The following POFUT3 variants were observed in gnomAD, a reference collection of about 807,000 sequenced individuals.
POFUT3 encodes GDP-fucose protein O-fucosyltransferase 3.
the POFUT3 span, among the ~76,000 whole-genome samples, chr8:33,391,144 G>A: frequency 6.6e-6 from 1 of 152,106 alleles, no homozygotes; most frequent in Non-Finnish European, 1.5e-5. Context: ...TTCTGGCAGA[G>A]CTCATAAAAA....
chr8:33,417,380 A>T, the POFUT3 span, among the ~76,000 whole-genome samples: 40,695 of 152,022 alleles, frequency 0.27, 5,835 homozygotes, highest in South Asian at 0.44. Flanking sequence ...ATGCCCTTGA[A>T]TCATCCCGAA....
At chr8:33,364,260 T>G in the POFUT3 span, among the ~76,000 whole-genome samples, 1 of 152,182 alleles carries the variant, frequency 6.6e-6, no homozygotes, top group Non-Finnish European at 1.5e-5. Flanking sequence ...TAGGTATTGA[T>G]GGAATGTATC....
chr8:33,436,583 C>T, the POFUT3 span: 2 of 901,698 alleles, frequency 2.2e-6, no homozygotes, highest in East Asian at 2.5e-5. Context: ...TCTATGTGCA[C>T]AAAGCCATAA....
the POFUT3 span, among the ~76,000 whole-genome samples, chr8:33,433,511 C>T: frequency 6.6e-5 from 10 of 151,810 alleles, no homozygotes; most frequent in African/African-American, 2.4e-5. Flanking sequence ...ACTCAGGAGG[C>T]TGAGGCAGGA....
At chr8:33,435,294 T>C in the POFUT3 span, among the ~76,000 whole-genome samples, 1 of 151,704 alleles carries the variant, frequency 6.6e-6, no homozygotes, top group African/African-American at 2.4e-5. Flanking sequence ...CTCAGCTCAC[T>C]GCAACTGCCA....
chr8:33,349,469 G>T, the POFUT3 span, among the ~76,000 whole-genome samples: 1 of 152,182 alleles, frequency 6.6e-6, no homozygotes, highest in East Asian at 1.9e-4. Flanking sequence ...AAAGTCCATT[G>T]TATCATTCTT....
the POFUT3 span, among the ~76,000 whole-genome samples, chr8:33,419,873 A>G: frequency 5.9e-5 from 9 of 152,282 alleles, no homozygotes; most frequent in East Asian, 1.7e-3. Context: ...TCAGCCTGTA[A>G]TCCCAGCACT....
At chr8:33,408,786 G>C in the POFUT3 span, among the ~76,000 whole-genome samples, 12 of 152,176 alleles carry the variant, frequency 7.9e-5, no homozygotes, top group African/African-American at 2.9e-4. Context: ...GTGTTTTTTG[G>C]GGGTGGAGAG....
chr8:33,372,448 G>T, the POFUT3 span: 1 of 1,445,072 alleles, frequency 6.9e-7, no homozygotes, highest in South Asian at 1.5e-5. Flanking sequence ...CTCATTATGA[G>T]TACTGCAGCA....
At chr8:33,445,210 A>C in the POFUT3 span, among the ~76,000 whole-genome samples, 1 of 152,168 alleles carries the variant, frequency 6.6e-6, no homozygotes, top group Non-Finnish European at 1.5e-5. Context: ...CTGGGACTAC[A>C]GGTGTGAGCC....
the POFUT3 span, among the ~76,000 whole-genome samples, chr8:33,441,537 T>A: frequency 6.6e-6 from 1 of 151,820 alleles, no homozygotes; most frequent in Non-Finnish European, 1.5e-5. Context: ...TGCACCACCA[T>A]GCCCAGCTAA....
chr8:33,403,901 C>T, the POFUT3 span, among the ~76,000 whole-genome samples: 2 of 151,810 alleles, frequency 1.3e-5, no homozygotes, highest in African/African-American at 4.8e-5. Context: ...CCAGTCATGC[C>T]AAGGGCAGCC....
the POFUT3 span, among the ~76,000 whole-genome samples, chr8:33,472,359 A>C: frequency 6.6e-6 from 1 of 152,208 alleles, no homozygotes; most frequent in Non-Finnish European, 1.5e-5. Context: ...ATTTTAAAGA[A>C]TCATTAAAAG....
At chr8:33,401,900 C>T in the POFUT3 span, among the ~76,000 whole-genome samples, 15 of 151,994 alleles carry the variant, frequency 9.9e-5, no homozygotes, top group African/African-American at 1.9e-4. Flanking sequence ...TGGTGGCACA[C>T]GTCTGTAGTC....
the POFUT3 span, among the ~76,000 whole-genome samples, chr8:33,426,479 A>G: frequency 6.6e-6 from 1 of 152,226 alleles, no homozygotes; most frequent in Non-Finnish European, 1.5e-5. Flanking sequence ...GTAATTGTTC[A>G]TTGACAAGCT....
At chr8:33,386,667 A>G in the POFUT3 span, among the ~76,000 whole-genome samples, 8 of 151,912 alleles carry the variant, frequency 5.3e-5, no homozygotes, top group Non-Finnish European at 1.0e-4. Context: ...AAAATTAGCC[A>G]GGCGTGGTGG....
chr8:33,441,606 C>T, the POFUT3 span, among the ~76,000 whole-genome samples: 5 of 151,860 alleles, frequency 3.3e-5, no homozygotes, highest in Admixed American at 1.3e-4. Flanking sequence ...GCCTCAAACT[C>T]GAGAGCTCAA....
the POFUT3 span, among the ~76,000 whole-genome samples, chr8:33,430,511 C>T: frequency 6.6e-6 from 1 of 152,130 alleles, no homozygotes; most frequent in African/African-American, 2.4e-5. Context: ...ATGGACCACC[C>T]AAGCCAATCA....
the POFUT3 span, among the ~76,000 whole-genome samples, chr8:33,392,738 C>T: frequency 9.2e-5 from 14 of 151,982 alleles, no homozygotes; most frequent in South Asian, 8.3e-4. Context: ...AATCCCAGCA[C>T]GTTGTGGGGC....
Sources: gnomAD v4.1 joint callset for allele counts (sites outside exome capture counted in the v4.1 genomes callset) on GRCh38, gnomAD v4.1.1 for gene constraint, MANE v1.5 for transcripts, NCBI Gene and HGNC (gene_info 2026-07-23, HGNC 2026-07-21) for gene names.